SGIP1: variants seen among roughly 807,000 people sequenced by gnomAD.
SGIP1 encodes the protein SH3-containing GRB2-like protein 3-interacting protein 1.
Under a neutral mutation model 107.5 loss-of-function variants are expected in SGIP1, and 38 were observed. The ratio of observed to expected loss-of-function variants is 0.35; its 90% CI spans 0.27 to 0.46. SGIP1 has a LOEUF of 0.46. Among genes scored for constraint, SGIP1 ranks in the 20% least tolerant of loss-of-function variants. The pLI, the probability that SGIP1 is intolerant of heterozygous loss-of-function variation, is 1.00. For missense variants in SGIP1, 929 were observed against 1,019.5 expected (o/e 0.91, Z 1.21); for synonymous variants, 365 against 366.1 (o/e 1.00, Z 0.03).
At chr1:66,660,685 T>C (rs1294802750) in intron 8 of SGIP1, among the ~76,000 whole-genome samples, 161 bp downstream of exon 8, 3 of 152,130 alleles carry the variant, frequency 2.0e-5, no homozygotes, top group Non-Finnish European at 2.9e-5. Flanking sequence ...TTATGCCACA[T>C]GGGAAAAAAG....
In SGIP1 at chr1:66,639,811, C is replaced by A; in HGVS notation, c.206C>A (p.Ala69Glu). ...AATGGGGCACCAAATGGATTTTATG[C>A]GGAAATTGATTGGGAAAGATATGTG... The part of the protein sequence containing the change: ...KSNGAPNGFY[A>E]EIDWERYNSP... The change falls in exon 5 of 25, where the codon GCG (alanine) becomes GAG (glutamate). Residue 69 changes from alanine (A) to glutamate (E), a missense_variant. Ala to Glu is a moderately radical substitution (Grantham distance 107). This residue lies in a region of SGIP1 where 588 missense variants were observed against 588.6 expected (regional missense o/e 1.00). Transcript: ENST00000371037. The A allele has an allele frequency of 1.2e-6, 2 of 1,610,708 alleles. No homozygotes were observed. Among genetic ancestry groups the A allele is most frequent in the Non-Finnish European group, 1.7e-6 (2 of 1,178,098 alleles).
Position 66,657,448 on chromosome 1 carries a change from T to C in SGIP1, c.460-3065T>C, listed in dbSNP as rs78120701. 6.4e-3 allele frequency among the ~76,000 whole-genome samples: 978 copies of C among 152,336 alleles called. 14 individuals are homozygous for C. The highest frequency in any genetic ancestry group is 0.022 in the African/African-American group (919 of 41,570). ...TTTATATTTTCTTCATTCACCTCTA[T>C]TAGCTTTGATTCTCAAACACAATTC... On this transcript the variant is annotated intron_variant, in intron 7 of 24. Transcript: ENST00000371037.
intron 4 of SGIP1, 120 bp from the exon 5 acceptor site, chr1:66,639,657 G>A (rs2076416276): frequency 2.6e-6 from 2 of 781,996 alleles, no homozygotes; most frequent in African/African-American, 1.8e-5. Flanking sequence ...GCTCTAATAT[G>A]TCTTTCCAGT....
Position 66,740,735 on chromosome 1 carries a change from C to T in SGIP1, c.2299+13C>T. On this transcript the variant is annotated intron_variant, in intron 23 of 24. Coordinates refer to ENST00000371037, the MANE Select transcript of SGIP1 (RefSeq NM_032291.4). ...TCAGAAAATGGAGGTAATGGAATCA[C>T]AAGTTTATTTTATTTAACATGTAAA... 1 of 1,577,276 alleles carries T rather than the reference C, an allele frequency of 6.3e-7. No homozygotes were observed.
chr1:66,642,027 T>C (rs2076883724), intron 5 of SGIP1, among the ~76,000 whole-genome samples: 1 of 152,210 alleles, frequency 6.6e-6, no homozygotes, highest in African/African-American at 2.4e-5. Context: ...TAGTTTTTCT[T>C]TCTCCAGTTC....
intron 12 of SGIP1, 61 bp downstream of exon 12, chr1:66,673,427 T>A: frequency 7.1e-7 from 1 of 1,402,288 alleles, no homozygotes; most frequent in Non-Finnish European, 9.7e-7. Flanking sequence ...GTACAACTCT[T>A]CTAGATTAAA....
chr1:66,667,041 G>T (rs935805939), intron 8 of SGIP1: 1 of 153,108 alleles, frequency 6.5e-6, no homozygotes, highest in East Asian at 1.9e-4. Flanking sequence ...TCCAGACAAG[G>T]AAAAGGGGTC....
intron 19 of SGIP1, among the ~76,000 whole-genome samples, chr1:66,719,860 C>T (rs1002887710): frequency 1.3e-5 from 2 of 152,092 alleles, no homozygotes; most frequent in African/African-American, 4.8e-5. Context: ...AGAAAAAACA[C>T]CTTCTCAAAA....
rs1255310648 is a variant in SGIP1, at chr1:66,729,002, AAT to A, written c.1743-260_1743-259del. 2.6e-5 allele frequency among the ~76,000 whole-genome samples: 4 copies of A among 152,250 alleles called. No individual in the cohort carries two copies. In the East Asian group the frequency reaches 7.7e-4, roughly 29 times the overall value. The stretch of plus-strand genomic sequence containing the variant: ...AAAGTTCAGAAAAAAAAAACTGTCA[AAT>A]ACTATGCTTAGTACCCAGGTGACAA... On this transcript the variant is annotated intron_variant, in intron 19 of 24. Coordinates refer to ENST00000371037, the MANE Select transcript of SGIP1 (RefSeq NM_032291.4).
intron 2 of SGIP1, among the ~76,000 whole-genome samples, chr1:66,632,600 C>T (rs139026986): frequency 5.5e-4 from 83 of 152,240 alleles, no homozygotes; most frequent in Non-Finnish European, 9.6e-4. Context: ...TTTGATTGCG[C>T]CTGTGAATAG....
intron 1 of SGIP1, among the ~76,000 whole-genome samples, chr1:66,575,618 T>C (rs2060957114): frequency 6.6e-6 from 1 of 152,156 alleles, no homozygotes; most frequent in African/African-American, 2.4e-5. Context: ...GGGTTCAGTT[T>C]TCACCAATAG....
At chr1:66,643,910 G>C in intron 7 of SGIP1, 191 bp downstream of exon 7, 1 of 400,988 alleles carries the variant, frequency 2.5e-6, no homozygotes, top group East Asian at 3.9e-5. Flanking sequence ...TGCAGTCCTT[G>C]TGCTTTTCAA....
intron 1 of SGIP1, among the ~76,000 whole-genome samples, chr1:66,598,770 G>GAACTC (rs1570363440): frequency 6.6e-6 from 1 of 152,242 alleles, no homozygotes. Context: ...CCATTCACGA[G>GAACTC]AACTCCGACC....
intron 1 of SGIP1, among the ~76,000 whole-genome samples, chr1:66,548,362 C>G (rs2056805051): frequency 6.6e-6 from 1 of 151,920 alleles, no homozygotes; most frequent in Admixed American, 6.6e-5. Flanking sequence ...GTGGTGCCCT[C>G]CCCCAAGCCA....
At chr1:66,674,774 G>A (rs549855858) in intron 12 of SGIP1, among the ~76,000 whole-genome samples, 6 of 152,320 alleles carry the variant, frequency 3.9e-5, no homozygotes, top group Admixed American at 2.6e-4. Flanking sequence ...GGAACTCACT[G>A]CTAACTATTC....
chr1:66,729,628 C>T lies in SGIP1; in HGVS notation c.1898+209C>T, dbSNP rs189597487. ...GAATGTGTGACTGCATATGCATATACGTGTTTTAATGGCCAACTATCTCAA... is the reference window on the plus strand; with the variant it reads ...GAATGTGTGACTGCATATGCATATATGTGTTTTAATGGCCAACTATCTCAA... On this transcript the variant is annotated intron_variant, in intron 20 of 24. Coordinates refer to ENST00000371037, the MANE Select transcript of SGIP1 (RefSeq NM_032291.4). Among the ~76,000 whole-genome samples the T allele has an allele frequency of 1.7e-3, 257 of 152,172 alleles. 7 individuals carry two copies. Among genetic ancestry groups the T allele is most frequent in the Non-Finnish European group, 7.5e-4 (51 of 68,016 alleles).
At chr1:66,662,203 T>A (rs772185612) in intron 8 of SGIP1, among the ~76,000 whole-genome samples, 1 of 152,212 alleles carries the variant, frequency 6.6e-6, no homozygotes, top group Admixed American at 6.5e-5. Flanking sequence ...TGATCATATA[T>A]TCTAATCCTT....
At chr1:66,598,509 G>A (rs1478125749) in intron 1 of SGIP1, among the ~76,000 whole-genome samples, 2 of 152,180 alleles carry the variant, frequency 1.3e-5, no homozygotes, top group South Asian at 4.1e-4. Context: ...AAATACCTGA[G>A]ACTGAGTAGT....
At chr1:66,579,257 A>G (rs112254699) in intron 1 of SGIP1, among the ~76,000 whole-genome samples, 2,470 of 152,290 alleles carry the variant, frequency 0.016, 28 homozygotes, top group Non-Finnish European at 0.026. Flanking sequence ...CCGAAGCTAC[A>G]TGTACTCAGC....
Sources: allele counts gnomAD v4.1 joint callset (sites outside exome capture counted in the v4.1 genomes callset), GRCh38; gene constraint gnomAD v4.1.1; regional missense constraint gnomAD v4.1.1; transcripts MANE v1.5; gene names NCBI Gene and HGNC (gene_info 2026-07-23, HGNC 2026-07-21).